CLSTN2: variants seen among roughly 807,000 people sequenced by gnomAD.
CLSTN2 encodes calsyntenin-2.
A neutral mutation model predicts 101.2 loss-of-function variants in CLSTN2; 48 were observed. That is an observed-to-expected ratio of 0.47 (90% CI 0.38 to 0.60). The LOEUF is 0.60. CLSTN2 is among the 20% of genes least tolerant of loss of function. CLSTN2 has a pLI of 0.00. For synonymous variants in CLSTN2, 481 were observed against 463.6 expected (o/e 1.04, Z -0.48); for missense variants, 1,160 against 1,238.2 (o/e 0.94, Z 0.95).
chr3:140,317,531 A>G (rs2087241243), intron 2 of CLSTN2, among the ~76,000 whole-genome samples: 1 of 152,160 alleles, frequency 6.6e-6, no homozygotes, highest in African/African-American at 2.4e-5. Flanking sequence ...TTCCAGTGTG[A>G]GACCCATAAG....
intron 1 of CLSTN2, among the ~76,000 whole-genome samples, chr3:140,166,749 C>T (rs2107823094): frequency 6.6e-6 from 1 of 152,216 alleles, no homozygotes; most frequent in African/African-American, 2.4e-5. Flanking sequence ...GTTTCCTCTG[C>T]ATGAGTGCAA....
intron 2 of CLSTN2, among the ~76,000 whole-genome samples, chr3:140,360,025 CACAT>C (rs1219485717): frequency 4.4e-5 from 6 of 137,202 alleles, no homozygotes; most frequent in African/African-American, 1.3e-4. Context: ...CACACACACA[CACAT>C]ATATATATAT....
At chr3:140,366,308 G>A (rs1318417314) in intron 2 of CLSTN2, among the ~76,000 whole-genome samples, 1 of 152,190 alleles carries the variant, frequency 6.6e-6, no homozygotes, top group Non-Finnish European at 1.5e-5. Context: ...TCAGAGTATG[G>A]GCAGCAGCCC....
chr3:140,271,667 G>A (rs2086743374), intron 2 of CLSTN2, among the ~76,000 whole-genome samples: 1 of 152,070 alleles, frequency 6.6e-6, no homozygotes, highest in Admixed American at 6.5e-5. Context: ...CTTCCCAGTG[G>A]CCCCACCTTC....
chr3:140,359,758 A>G (rs2087707778), intron 2 of CLSTN2, among the ~76,000 whole-genome samples: 1 of 152,144 alleles, frequency 6.6e-6, no homozygotes, highest in Admixed American at 6.6e-5. Flanking sequence ...GAATTATGAA[A>G]AGAGAAACTT....
intron 2 of CLSTN2, among the ~76,000 whole-genome samples, chr3:140,383,219 C>T (rs781227632): frequency 2.0e-5 from 3 of 152,164 alleles, no homozygotes; most frequent in Admixed American, 6.5e-5. Flanking sequence ...ATAGATTGTT[C>T]AGCTCAGGGG....
At chr3:140,206,586 T>A (rs1471238770) in intron 2 of CLSTN2, among the ~76,000 whole-genome samples, 1 of 152,208 alleles carries the variant, frequency 6.6e-6, no homozygotes, top group Non-Finnish European at 1.5e-5. Context: ...CTTCCAGACC[T>A]AAATTAGCTC....
intron 2 of CLSTN2, among the ~76,000 whole-genome samples, chr3:140,402,313 T>C (rs1174086733): frequency 6.6e-6 from 1 of 152,190 alleles, no homozygotes; most frequent in African/African-American, 2.4e-5. Flanking sequence ...GGATAGAAAG[T>C]ACATGGACTT....
At chr3:140,297,083 C>T (rs1466219551) in intron 2 of CLSTN2, among the ~76,000 whole-genome samples, 1 of 152,236 alleles carries the variant, frequency 6.6e-6, no homozygotes, top group Non-Finnish European at 1.5e-5. Flanking sequence ...CTATGAGGAG[C>T]TCTTTGGACA....
intron 1 of CLSTN2, among the ~76,000 whole-genome samples, chr3:139,951,317 A>C (rs1935289835): frequency 6.6e-6 from 1 of 152,188 alleles, no homozygotes; most frequent in South Asian, 2.1e-4. Context: ...CTTTCTAAAG[A>C]CATTTTTGGG....
chr3:139,995,074 G>C (rs1936179873), intron 1 of CLSTN2, among the ~76,000 whole-genome samples: 1 of 152,250 alleles, frequency 6.6e-6, no homozygotes, highest in Admixed American at 6.5e-5. Flanking sequence ...GAGTAGCTCT[G>C]GGGACAATTG....
At chr3:140,385,804 T>G (rs1246471081) in intron 2 of CLSTN2, among the ~76,000 whole-genome samples, 1 of 152,136 alleles carries the variant, frequency 6.6e-6, no homozygotes, top group Non-Finnish European at 1.5e-5. Context: ...AATTACTCAC[T>G]GCACAAGGCC....
intron 8 of CLSTN2, among the ~76,000 whole-genome samples, chr3:140,467,118 G>A (rs1181091604): frequency 6.6e-6 from 1 of 152,166 alleles, no homozygotes; most frequent in Non-Finnish European, 1.5e-5. Context: ...CCTCCTTTGG[G>A]TGACACAAGG....
chr3:140,265,223 GC>G (rs1425637904), intron 2 of CLSTN2, among the ~76,000 whole-genome samples: 1 of 152,174 alleles, frequency 6.6e-6, no homozygotes, highest in Non-Finnish European at 1.5e-5. Context: ...CATCTACACT[GC>G]CCTTTATGGC....
intron 1 of CLSTN2, among the ~76,000 whole-genome samples, chr3:139,988,766 A>T (rs772100130): frequency 6.6e-6 from 1 of 152,128 alleles, no homozygotes; most frequent in Non-Finnish European, 1.5e-5. Context: ...AGTATTGGGG[A>T]GGTAAGTATT....
intron 1 of CLSTN2, among the ~76,000 whole-genome samples, chr3:140,108,826 A>G (rs1317783569): frequency 6.6e-6 from 1 of 152,210 alleles, no homozygotes; most frequent in Admixed American, 6.5e-5. Context: ...AGCCCAGAGA[A>G]GGAAATTCTT....
chr3:140,032,721 A>G (rs772244034), intron 1 of CLSTN2, among the ~76,000 whole-genome samples: 29 of 152,336 alleles, frequency 1.9e-4, no homozygotes, highest in Non-Finnish European at 3.8e-4. Context: ...GGCATCAGGC[A>G]TGGGGTAGGA....
chr3:140,199,006 G>A (rs1024909348), intron 2 of CLSTN2, among the ~76,000 whole-genome samples: 9 of 152,122 alleles, frequency 5.9e-5, no homozygotes, highest in African/African-American at 1.9e-4. Flanking sequence ...TCCAAGGCCC[G>A]GATGACAGCC....
At chr3:140,267,926 T>G (rs2086709528) in intron 2 of CLSTN2, among the ~76,000 whole-genome samples, 2 of 152,200 alleles carry the variant, frequency 1.3e-5, no homozygotes, top group South Asian at 4.1e-4. Flanking sequence ...TCTTGGACTC[T>G]GATTCTGTGA....
Sources: gnomAD v4.1 joint callset for allele counts (sites outside exome capture counted in the v4.1 genomes callset) on GRCh38, gnomAD v4.1.1 for gene constraint, MANE v1.5 for transcripts, NCBI Gene and HGNC (gene_info 2026-07-23, HGNC 2026-07-21) for gene names.